Variants in ARHGAP24 observed in about 807,000 individuals in gnomAD.
The protein encoded by ARHGAP24 is rho GTPase-activating protein 24.
ARHGAP24 carries 50 observed loss-of-function variants against 76.4 expected under a neutral mutation model. That is an observed-to-expected ratio of 0.65 (90% CI 0.52 to 0.83). The LOEUF is 0.83. Ranked by LOEUF, ARHGAP24 falls within the 40% of genes least tolerant of loss-of-function variation. ARHGAP24 has a pLI of 0.00. For missense variants in ARHGAP24, 930 were observed against 914.2 expected (o/e 1.02, Z -0.22); for synonymous variants, 345 against 323.3 (o/e 1.07, Z -0.72).
intron 1 of ARHGAP24, among the ~76,000 whole-genome samples, chr4:85,564,439 G>GC (rs991509507): frequency 2.7e-4 from 30 of 109,702 alleles, no homozygotes; most frequent in South Asian, 1.1e-3. Flanking sequence ...TATACCTAAT[G>GC]TAAATGACGA....
Position 85,875,540 on chromosome 4 carries a change from T to TAATA in ARHGAP24, c.269-48108_269-48107insAATA, listed in dbSNP as rs1260659328. Among the ~76,000 whole-genome samples the TAATA allele has an allele frequency of 5.6e-5, 5 of 88,924 alleles. 1 individual carries two copies. The highest frequency in any genetic ancestry group is 7.9e-4 in the East Asian group (2 of 2,546). The allele number at this position is 88,924 out of a possible 152,430, so 58.3% of individuals were successfully genotyped here. ...ATTATATTGTATATAATATATATTA[T>TAATA]TTATATTTTATATTATATTTTTATA... On this transcript the variant is annotated intron_variant, in intron 3 of 9. Coordinates refer to ENST00000395184, the MANE Select transcript of ARHGAP24 (RefSeq NM_001025616.3).
intron 3 of ARHGAP24, among the ~76,000 whole-genome samples, chr4:85,733,002 A>G (rs1725465952): frequency 7.6e-6 from 1 of 132,306 alleles, no homozygotes; most frequent in Admixed American, 8.0e-5. Flanking sequence ...CCGACCTCAA[A>G]CTTCTATATT....
At chr4:85,797,586 C>G (rs1728416801) in intron 3 of ARHGAP24, among the ~76,000 whole-genome samples, 1 of 152,192 alleles carries the variant, frequency 6.6e-6, no homozygotes, top group African/African-American at 2.4e-5. Flanking sequence ...GCAGGATTTG[C>G]TTTTTCTCCA....
At position 85,556,896 on chromosome 4, in the gene ARHGAP24, A is replaced by T. The variant is rs4693116; in HGVS notation, c.-20-13626A>T. On this transcript the variant is annotated intron_variant, in intron 1 of 9. Coordinates refer to ENST00000395184, the MANE Select transcript of ARHGAP24 (RefSeq NM_001025616.3). Reference sequence around the variant, plus strand: ...GCTGCTACCATTCTGAGAGCCCAGGAGGGGGTCACTAAAGTCCCAGGTTTG... The same window carrying T: ...GCTGCTACCATTCTGAGAGCCCAGGTGGGGGTCACTAAAGTCCCAGGTTTG... 1.7e-4 allele frequency among the ~76,000 whole-genome samples: 26 copies of T among 152,002 alleles called. 1 individual carries two copies. The South Asian group carries it at 4.4e-3, about 26-fold the overall frequency.
At chr4:85,806,354 G>T (rs1177887185) in intron 3 of ARHGAP24, among the ~76,000 whole-genome samples, 1 of 152,184 alleles carries the variant, frequency 6.6e-6, no homozygotes, top group East Asian at 1.9e-4. Context: ...TACCATTTAA[G>T]TTCACAGAAG....
intron 2 of ARHGAP24, among the ~76,000 whole-genome samples, chr4:85,719,378 G>C (rs537771240): frequency 7.2e-5 from 11 of 152,228 alleles, no homozygotes; most frequent in African/African-American, 2.4e-4. Flanking sequence ...TGTAAGGCAT[G>C]GGGGGAGAGG....
At chr4:85,746,569 A>G (rs1362123537) in intron 3 of ARHGAP24, among the ~76,000 whole-genome samples, 1 of 152,156 alleles carries the variant, frequency 6.6e-6, no homozygotes, top group Admixed American at 6.6e-5. Context: ...GGCAGGGGCT[A>G]TATTTTGTGC....
intron 2 of ARHGAP24, among the ~76,000 whole-genome samples, chr4:85,684,076 G>T (rs942120489): frequency 1.3e-5 from 2 of 152,136 alleles, no homozygotes; most frequent in African/African-American, 4.8e-5. Flanking sequence ...TAAACATATT[G>T]CTTCAAGATT....
At chr4:85,831,055 TC>T (rs1729971649) in intron 3 of ARHGAP24, among the ~76,000 whole-genome samples, 1 of 152,218 alleles carries the variant, frequency 6.6e-6, no homozygotes, top group Non-Finnish European at 1.5e-5. Context: ...AGTCATTATA[TC>T]AAATACATAT....
intron 4 of ARHGAP24, chr4:85,930,474 G>A (rs1578400411): frequency 4.0e-6 from 4 of 990,858 alleles, no homozygotes; most frequent in Middle Eastern, 5.2e-4. Context: ...ATTCCTCAGG[G>A]GACTTTTTGT....
chr4:85,985,797 T>C (rs550950416), intron 8 of ARHGAP24, among the ~76,000 whole-genome samples: 1 of 152,206 alleles, frequency 6.6e-6, no homozygotes. Flanking sequence ...ATTTTATACA[T>C]GCACAATTAC....
chr4:85,679,502 C>T (rs1723120912), intron 2 of ARHGAP24, among the ~76,000 whole-genome samples: 1 of 152,106 alleles, frequency 6.6e-6, no homozygotes, highest in African/African-American at 2.4e-5. Flanking sequence ...AGAAGTCACC[C>T]CTGCATACTT....
At chr4:85,955,494 T>C (rs1257719531) in intron 5 of ARHGAP24, among the ~76,000 whole-genome samples, 2 of 152,192 alleles carry the variant, frequency 1.3e-5, no homozygotes, top group Non-Finnish European at 2.9e-5. Flanking sequence ...TAGGGAAGTA[T>C]CTGTTTCATG....
At chr4:85,598,086 C>G (rs928273322) in intron 2 of ARHGAP24, among the ~76,000 whole-genome samples, 1 of 152,012 alleles carries the variant, frequency 6.6e-6, no homozygotes, top group Non-Finnish European at 1.5e-5. Context: ...CATAAGAAGT[C>G]TTACTATTCA....
intron 1 of ARHGAP24, among the ~76,000 whole-genome samples, chr4:85,512,835 A>G (rs768713427): frequency 2.0e-5 from 3 of 152,210 alleles, no homozygotes; most frequent in Non-Finnish European, 4.4e-5. Flanking sequence ...AGGTTAAATT[A>G]TTTCCTATTG....
intron 3 of ARHGAP24, among the ~76,000 whole-genome samples, chr4:85,813,256 G>C (rs1380732838): frequency 1.3e-5 from 2 of 152,170 alleles, no homozygotes; most frequent in African/African-American, 4.8e-5. Flanking sequence ...GTGCACGGGA[G>C]CAACAGGGAA....
intron 8 of ARHGAP24, among the ~76,000 whole-genome samples, chr4:85,981,727 C>T (rs1225321713): frequency 6.6e-6 from 1 of 152,090 alleles, no homozygotes; most frequent in Admixed American, 6.6e-5. Flanking sequence ...AGCAGTATCC[C>T]CTCCATGCAA....
chr4:85,699,637 T>G (rs1027013683), intron 2 of ARHGAP24, among the ~76,000 whole-genome samples: 1 of 151,814 alleles, frequency 6.6e-6, no homozygotes, highest in African/African-American at 2.4e-5. Context: ...CAGAGAGATA[T>G]CCTTACCACC....
At chr4:85,854,447 A>G (rs1019392456) in intron 3 of ARHGAP24, among the ~76,000 whole-genome samples, 11 of 152,186 alleles carry the variant, frequency 7.2e-5, no homozygotes, top group African/African-American at 2.7e-4. Context: ...CACATTGTCA[A>G]TTTGTTTTCT....
Sources: gnomAD v4.1 joint callset for allele counts (sites outside exome capture counted in the v4.1 genomes callset) on GRCh38, gnomAD v4.1.1 for gene constraint, MANE v1.5 for transcripts, NCBI Gene and HGNC (gene_info 2026-07-23, HGNC 2026-07-21) for gene names.